The following VWC2L variants were observed in gnomAD, a reference collection of about 807,000 sequenced individuals.
The protein encoded by VWC2L is von Willebrand factor C domain containing 2 like, also known as von Willebrand factor C domain-containing protein 2-like.
A neutral mutation model predicts 21.6 loss-of-function variants in VWC2L; 10 were observed. The observed-to-expected ratio is 0.46, with a 90% CI of 0.29 to 0.78. The LOEUF is 0.78. Ranked by LOEUF, VWC2L falls within the 30% of genes least tolerant of loss-of-function variation. The probability of loss-of-function intolerance (pLI) is 0.10; values close to 1 mark genes in which losing one functional copy is unlikely to be tolerated. For missense variants in VWC2L, 209 were observed against 277.1 expected, an observed-to-expected ratio of 0.75 and a Z score of 1.74; for synonymous variants, 96 against 94.3, an observed-to-expected ratio of 1.02 and a Z score of -0.10.
chr2:214,536,931 T>A (rs947319908), intron 3 of VWC2L: 1 of 151,586 alleles, frequency 6.6e-6, no homozygotes, highest in African/African-American at 2.4e-5. Context: ...TCTTGTCGTC[T>A]CTGTACAATA....
At chr2:214,436,578 GC>G (rs1240015709) in intron 2 of VWC2L, 50 bp from the exon 3 acceptor site, 1 of 1,600,742 alleles carries the variant, frequency 6.2e-7, no homozygotes, top group Non-Finnish European at 8.5e-7. Context: ...ATATGAATGT[GC>G]AAGCATTAAG....
At chr2:214,553,606 T>C (rs1689830163) in intron 3 of VWC2L, among the ~76,000 whole-genome samples, 1 of 152,154 alleles carries the variant, frequency 6.6e-6, no homozygotes, top group Non-Finnish European at 1.5e-5. Flanking sequence ...GAGAATAGAT[T>C]GTAAATGTTT....
chr2:214,473,427 T>C (rs1285312674), intron 3 of VWC2L, among the ~76,000 whole-genome samples: 1 of 152,186 alleles, frequency 6.6e-6, no homozygotes, highest in African/African-American at 2.4e-5. Context: ...AAGTTAAGTT[T>C]CAAAGACCCA....
chr2:214,558,287 A>T (rs1482584714), intron 3 of VWC2L, among the ~76,000 whole-genome samples: 7 of 152,112 alleles, frequency 4.6e-5, no homozygotes, highest in African/African-American at 1.4e-4. Flanking sequence ...CTTGCAGGAC[A>T]TCAAATGCTC....
rs574563511 is a variant in VWC2L, at chr2:214,533,043, A to G, written c.521-42629A>G. Among the ~76,000 whole-genome samples the G allele has an allele frequency of 1.5e-3, 233 of 152,172 alleles. 1 individual carries two copies. Among genetic ancestry groups the G allele is most frequent in the Middle Eastern group, 6.8e-3 (2 of 294 alleles). On this transcript the variant is annotated intron_variant, in intron 3 of 3. Transcript: ENST00000312504. ...AGTCATGACTTCTTTTATAGACTGA[A>G]ACCCAGGACAGTCTACAACCTCTAC...
At chr2:214,537,862 T>C (rs1689560091) in intron 3 of VWC2L, among the ~76,000 whole-genome samples, 1 of 150,800 alleles carries the variant, frequency 6.6e-6, no homozygotes, top group Admixed American at 6.6e-5. Context: ...CCAAACAAAG[T>C]GACCAAAAAT....
chr2:214,430,912 A>G (rs1338854609), intron 2 of VWC2L, among the ~76,000 whole-genome samples: 1 of 152,116 alleles, frequency 6.6e-6, no homozygotes, highest in Non-Finnish European at 1.5e-5. Flanking sequence ...CCATAATTTG[A>G]TGAGTTACAA....
At chr2:214,499,843 T>G (rs1688866918) in intron 3 of VWC2L, among the ~76,000 whole-genome samples, 1 of 152,156 alleles carries the variant, frequency 6.6e-6, no homozygotes, top group Non-Finnish European at 1.5e-5. Context: ...CACTACAAAG[T>G]GTCAGACACT....
chr2:214,467,610 A>G (rs1274284584), intron 3 of VWC2L, among the ~76,000 whole-genome samples: 1 of 152,126 alleles, frequency 6.6e-6, no homozygotes, highest in Non-Finnish European at 1.5e-5. Flanking sequence ...GTGCACTGTT[A>G]CTATACCTTG....
At chr2:214,516,906 G>A (rs1239896127) in intron 3 of VWC2L, among the ~76,000 whole-genome samples, 1 of 152,188 alleles carries the variant, frequency 6.6e-6, no homozygotes, top group Non-Finnish European at 1.5e-5. Context: ...TCCTGTTAGG[G>A]ATTACAAGGA....
intron 3 of VWC2L, among the ~76,000 whole-genome samples, chr2:214,481,115 A>G (rs544244332): frequency 1.3e-5 from 2 of 152,294 alleles, no homozygotes. Flanking sequence ...AATAACACCA[A>G]TGTCCTTCTC....
chr2:214,445,258 A>G (rs1162947215), intron 3 of VWC2L, among the ~76,000 whole-genome samples: 1 of 151,708 alleles, frequency 6.6e-6, no homozygotes, highest in East Asian at 1.9e-4. Flanking sequence ...AAATAATGAG[A>G]GAAGAATTTT....
chr2:214,454,099 A>T (rs1472840406), intron 3 of VWC2L, among the ~76,000 whole-genome samples: 1 of 151,904 alleles, frequency 6.6e-6, no homozygotes, highest in Non-Finnish European at 1.5e-5. Flanking sequence ...AATAGAATTG[A>T]TATTTATATA....
chr2:214,426,376 G>A (rs570334715), intron 2 of VWC2L, among the ~76,000 whole-genome samples: 7 of 152,102 alleles, frequency 4.6e-5, no homozygotes, highest in South Asian at 2.1e-4. Flanking sequence ...AGAGTGAGGC[G>A]GGAGCATGGG....
At chr2:214,526,685 A>G (rs75892504) in intron 3 of VWC2L, among the ~76,000 whole-genome samples, 2,553 of 152,234 alleles carry the variant, frequency 0.017, 75 homozygotes, top group African/African-American at 0.058. Context: ...CCTAATTACC[A>G]CATGTTAGCC....
At chr2:214,506,979 T>A (rs376923084) in intron 3 of VWC2L, among the ~76,000 whole-genome samples, 3 of 151,812 alleles carry the variant, frequency 2.0e-5, no homozygotes, top group South Asian at 2.1e-4. Flanking sequence ...TTCTAATTTT[T>A]AAAAAATGTT....
chr2:214,435,787 C>T (rs1266135946), intron 2 of VWC2L, among the ~76,000 whole-genome samples: 1 of 152,080 alleles, frequency 6.6e-6, no homozygotes, highest in Admixed American at 6.6e-5. Flanking sequence ...CTAGAACTTA[C>T]AAAGGATGAG....
At chr2:214,481,250 T>C (rs898799669) in intron 3 of VWC2L, among the ~76,000 whole-genome samples, 2 of 152,182 alleles carry the variant, frequency 1.3e-5, no homozygotes, top group Non-Finnish European at 1.5e-5. Flanking sequence ...GCAGAAATGA[T>C]GTTGGGAGGC....
chr2:214,417,778 A>G (rs1345204546), intron 2 of VWC2L, among the ~76,000 whole-genome samples: 1 of 152,210 alleles, frequency 6.6e-6, no homozygotes, highest in African/African-American at 2.4e-5. Flanking sequence ...TGTTCTGTAC[A>G]TAGATGACCT....
Sources: allele counts gnomAD v4.1 joint callset (sites outside exome capture counted in the v4.1 genomes callset), GRCh38; gene constraint gnomAD v4.1.1; transcripts MANE v1.5; gene names NCBI Gene and HGNC (gene_info 2026-07-23, HGNC 2026-07-21).